Variants in CLEC16A observed in about 807,000 individuals in gnomAD.
CLEC16A encodes protein CLEC16A.
CLEC16A carries 51 observed loss-of-function variants against 109.5 expected under a neutral mutation model. The observed-to-expected ratio is 0.47, with a 90% CI of 0.37 to 0.59. CLEC16A has a LOEUF of 0.59. Among genes scored for constraint, CLEC16A ranks in the 20% least tolerant of loss-of-function variants. The pLI is 0.00. For synonymous variants in CLEC16A, 673 were observed against 564.2 expected, an observed-to-expected ratio of 1.19 and a Z score of -2.73; for missense variants, 1,339 against 1,394.0, an observed-to-expected ratio of 0.96 and a Z score of 0.63.
chr16:10,944,782 C>T lies in CLEC16A; in HGVS notation c.65C>T (p.Ser22Phe). The change falls in exon 1 of 24, where the codon TCC becomes TTC. Residue 22 changes from serine to phenylalanine, a missense_variant. Ser to Phe is a radical substitution (Grantham distance 155, BLOSUM62 -2). Around this residue, in one of 3 missense-constraint regions of CLEC16A, gnomAD observed 117 missense variants for 120.2 expected, o/e 0.97. Coordinates refer to ENST00000409790, the MANE Select transcript of CLEC16A (RefSeq NM_015226.3). ...GGCAAGACTTCCCGCAACATCCACT[C>T]CTTGGACCACCTCAAGTGAGTGTGG... is the stretch of plus-strand genomic sequence containing the variant. Reference protein sequence around the residue: ...GHGKTSRNIHSLDHLKYLYHV... With the variant: ...GHGKTSRNIHFLDHLKYLYHV... 6.2e-7 allele frequency: 1 copy of T among 1,608,934 alleles called. No homozygotes were observed. The highest frequency in any genetic ancestry group is 8.5e-7 in the Non-Finnish European group (1 of 1,178,326).
chr16:10,982,644 C>A (rs2043388431), intron 9 of CLEC16A, among the ~76,000 whole-genome samples: 1 of 152,202 alleles, frequency 6.6e-6, no homozygotes, highest in African/African-American at 2.4e-5. Flanking sequence ...TAATGCACTT[C>A]CTTCCGAGGA....
chr16:11,069,151 A>G (rs2048923414), intron 19 of CLEC16A, among the ~76,000 whole-genome samples: 1 of 152,094 alleles, frequency 6.6e-6, no homozygotes, highest in Non-Finnish European at 1.5e-5. Flanking sequence ...ATTTTGAGAC[A>G]GGGTTTCACT....
At chr16:11,097,912 T>G (rs2050696914) in intron 19 of CLEC16A, among the ~76,000 whole-genome samples, 1 of 152,192 alleles carries the variant, frequency 6.6e-6, no homozygotes, top group Admixed American at 6.5e-5. Context: ...GGCAGGTTTG[T>G]CTCCTCAGCT....
At chr16:10,986,632 C>T (rs1404168665) in intron 10 of CLEC16A, among the ~76,000 whole-genome samples, 1 of 152,012 alleles carries the variant, frequency 6.6e-6, no homozygotes. Context: ...TAGAATCGTG[C>T]AGCATTTGTC....
intron 13 of CLEC16A, among the ~76,000 whole-genome samples, chr16:11,025,946 C>G (rs749560839): frequency 1.3e-5 from 2 of 152,210 alleles, no homozygotes; most frequent in Non-Finnish European, 2.9e-5. Flanking sequence ...ATTTGTATGA[C>G]TGCCCACTTA....
intron 12 of CLEC16A, among the ~76,000 whole-genome samples, chr16:11,023,795 G>A (rs1237339418): frequency 6.6e-6 from 1 of 152,206 alleles, no homozygotes; most frequent in Non-Finnish European, 1.5e-5. Context: ...AATTAAATGT[G>A]CCCTTGGTCA....
In CLEC16A at chr16:11,131,174, G is replaced by A. The variant is rs187517133; in HGVS notation, c.2641+5028G>A. ...GCGGCCAGTATGTGGGGGTGGGCAG[G>A]CATGGCCAGGCCTAGACTCTAGCCT... On this transcript the variant is annotated intron_variant, in intron 22 of 23. Transcript: ENST00000409790. Among the ~76,000 whole-genome samples, 9 of 152,324 alleles carry A rather than the reference G, an allele frequency of 5.9e-5. No individual in the cohort carries two copies. In the East Asian group the frequency reaches 1.5e-3, roughly 26 times the overall value.
rs76054381 is a variant in CLEC16A at position 11,025,765 on chromosome 16, T to G, written c.1537+844T>G. On this transcript the variant is annotated intron_variant, in intron 13 of 23. Transcript: ENST00000409790. Reference sequence around the variant, plus strand: ...TGATATAACTAAGTTTATGTGTTCTTAAATCATTAATCATGATAAATAAGT... The same window carrying G: ...TGATATAACTAAGTTTATGTGTTCTGAAATCATTAATCATGATAAATAAGT... 5.1e-3 allele frequency among the ~76,000 whole-genome samples: 783 copies of G among 152,244 alleles called. 6 individuals carry two copies. Among genetic ancestry groups the G allele is most frequent in the Non-Finnish European group, 7.4e-3 (502 of 68,018 alleles).
intron 23 of CLEC16A, among the ~76,000 whole-genome samples, chr16:11,176,635 G>A (rs1230853646): frequency 1.3e-5 from 2 of 152,190 alleles, no homozygotes; most frequent in South Asian, 2.1e-4. Flanking sequence ...CTACTCAGGA[G>A]GCCGAAGCAG....
intron 19 of CLEC16A, among the ~76,000 whole-genome samples, chr16:11,096,023 A>G (rs556711133): frequency 6.6e-6 from 1 of 152,128 alleles, no homozygotes; most frequent in Non-Finnish European, 1.5e-5. Flanking sequence ...CTGTGCAAAT[A>G]CCTTGTCTTT....
chr16:11,004,445 G>T (rs2044866300), intron 11 of CLEC16A, among the ~76,000 whole-genome samples: 1 of 152,198 alleles, frequency 6.6e-6, no homozygotes, highest in South Asian at 2.1e-4. Flanking sequence ...TCTGGTTGCA[G>T]TCTCTGTGGG....
chr16:10,979,199 C>T, intron 8 of CLEC16A, 130 bp from the exon 9 acceptor site: 1 of 734,564 alleles, frequency 1.4e-6, no homozygotes, highest in Admixed American at 2.6e-5. Context: ...AAGGACAGCC[C>T]TAGGGCCGTG....
intron 22 of CLEC16A, among the ~76,000 whole-genome samples, chr16:11,144,109 T>G (rs2053954704): frequency 6.6e-6 from 1 of 152,184 alleles, no homozygotes; most frequent in Non-Finnish European, 1.5e-5. Context: ...GCTCGGCACT[T>G]TCTCAGAATA....
At chr16:11,176,669 TTGAGGCTGCAG>T (rs913715706) in intron 23 of CLEC16A, among the ~76,000 whole-genome samples, 2 of 152,110 alleles carry the variant, frequency 1.3e-5, no homozygotes, top group African/African-American at 4.8e-5. Context: ...GTCCAGAAGG[TTGAGGCTGCAG>T]TGAGCTATGA....
At chr16:11,130,878 G>A (rs1230671310) in intron 22 of CLEC16A, among the ~76,000 whole-genome samples, 5 of 152,212 alleles carry the variant, frequency 3.3e-5, no homozygotes, top group Non-Finnish European at 7.3e-5. Flanking sequence ...TTGTCATAGA[G>A]CAGTTTGTCT....
At chr16:11,152,775 A>G (rs1467957895) in intron 22 of CLEC16A, among the ~76,000 whole-genome samples, 1 of 152,170 alleles carries the variant, frequency 6.6e-6, no homozygotes, top group African/African-American at 2.4e-5. Context: ...TCAGGTGGTG[A>G]CGGCATCTTT....
chr16:11,003,320 G>C lies in CLEC16A; in HGVS notation c.1303+15G>C. On this transcript the variant is annotated intron_variant, in intron 11 of 23. Coordinates refer to ENST00000409790, the MANE Select transcript of CLEC16A (RefSeq NM_015226.3). ...GGAGAGTGAAGGTGAGTGTCCCCAT[G>C]AACGCCGCCCTGTGCCTGCGCCGCC... The C allele has an allele frequency of 6.2e-7, 1 of 1,604,534 alleles. No individual in the cohort carries two copies. The highest frequency in any genetic ancestry group is 8.5e-7 in the Non-Finnish European group (1 of 1,173,586).
intron 9 of CLEC16A, among the ~76,000 whole-genome samples, chr16:10,980,857 C>A (rs1399104166): frequency 2.0e-5 from 3 of 152,126 alleles, no homozygotes; most frequent in Non-Finnish European, 2.9e-5. Flanking sequence ...GTCCTGAAAG[C>A]CCCTACTTCA....
intron 17 of CLEC16A, among the ~76,000 whole-genome samples, chr16:11,049,026 G>A (rs749100829): frequency 1.4e-5 from 2 of 146,074 alleles, no homozygotes; most frequent in East Asian, 4.0e-4. Flanking sequence ...TTTTTTTTTC[G>A]AACAGAGTTT....
Sources: allele counts gnomAD v4.1 joint callset (sites outside exome capture counted in the v4.1 genomes callset), GRCh38; gene constraint gnomAD v4.1.1; regional missense constraint gnomAD v4.1.1; transcripts MANE v1.5; gene names NCBI Gene and HGNC (gene_info 2026-07-23, HGNC 2026-07-21).